Variants in CADM2 observed in about 807,000 individuals in gnomAD.
The protein encoded by CADM2 is immunoglobulin superfamily member 4D.
Under a neutral mutation model 49.8 loss-of-function variants are expected in CADM2, and 12 were observed. The ratio of observed to expected loss-of-function variants is 0.24; its 90% CI spans 0.15 to 0.39. The LOEUF (loss-of-function observed/expected upper bound fraction) is 0.39, where lower values mean the gene tolerates loss of function less well. Among genes scored for constraint, CADM2 ranks in the 10% least tolerant of loss-of-function variants. CADM2 has a pLI of 1.00. For synonymous variants in CADM2, 214 were observed against 175.4 expected, an observed-to-expected ratio of 1.22 and a Z score of -1.74; for missense variants, 378 against 492.3, an observed-to-expected ratio of 0.77 and a Z score of 2.20.
At chr3:85,961,304 C>T (rs962450670) in intron 7 of CADM2, among the ~76,000 whole-genome samples, 165 bp from the exon 8 acceptor site, 6 of 151,658 alleles carry the variant, frequency 4.0e-5, no homozygotes, top group Admixed American at 6.6e-5. Flanking sequence ...GCTATACCTC[C>T]GACTCTTTTG....
chr3:85,430,504 C>A (rs2036609705), intron 1 of CADM2, among the ~76,000 whole-genome samples: 1 of 147,604 alleles, frequency 6.8e-6, no homozygotes, highest in South Asian at 2.1e-4. Context: ...GGTGACAGAG[C>A]AAGACCTTGT....
chr3:85,314,965 A>C (rs1356900182), intron 1 of CADM2, among the ~76,000 whole-genome samples: 1 of 152,196 alleles, frequency 6.6e-6, no homozygotes, highest in African/African-American at 2.4e-5. Flanking sequence ...AAACAATATA[A>C]GTTTATTCTC....
At chr3:85,291,990 TG>T (rs2106938701) in intron 1 of CADM2, among the ~76,000 whole-genome samples, 1 of 152,238 alleles carries the variant, frequency 6.6e-6, no homozygotes, top group South Asian at 2.1e-4. Context: ...AGACATAGAC[TG>T]GCAAATTGGA....
intron 2 of CADM2, among the ~76,000 whole-genome samples, chr3:85,748,436 C>G (rs1398676857): frequency 6.6e-6 from 1 of 152,024 alleles, no homozygotes; most frequent in Non-Finnish European, 1.5e-5. Context: ...ATTTATTTCT[C>G]TACCCAGGTT....
At chr3:85,016,101 T>A (rs1478050795) in intron 1 of CADM2, among the ~76,000 whole-genome samples, 1 of 152,062 alleles carries the variant, frequency 6.6e-6, no homozygotes. Context: ...TGAATTATAA[T>A]AGGAAAAGAA....
chr3:85,370,562 C>T (rs1056727128), intron 1 of CADM2, among the ~76,000 whole-genome samples: 36 of 152,220 alleles, frequency 2.4e-4, no homozygotes, highest in Admixed American at 6.5e-4. Context: ...AACAAACCTA[C>T]TGTGTCTGCA....
intron 3 of CADM2, among the ~76,000 whole-genome samples, chr3:85,809,696 C>CTTCT (rs1289683033): frequency 8.1e-6 from 1 of 123,672 alleles, no homozygotes; most frequent in Non-Finnish European, 1.7e-5. Flanking sequence ...TCCTTCCTTC[C>CTTCT]TTCCTTCCTT....
In CADM2 at chr3:85,578,304, TCA is replaced by T. The variant is rs1349819465; in HGVS notation, c.62-148217_62-148216del. On this transcript the variant is annotated intron_variant, in intron 1 of 9. Transcript: ENST00000383699. ...TGAAGAGTGTGTTCTAAAATGAAAA[TCA>T]GAAGACACACCACTCATCCTCAACT... Among the ~76,000 whole-genome samples the T allele has an allele frequency of 2.6e-5, 4 of 152,230 alleles. No homozygotes were observed. The East Asian group carries it at 7.7e-4, about 29-fold the overall frequency.
Position 85,150,750 on chromosome 3 carries a change from G to GA in CADM2, c.61+191091dup, listed in dbSNP as rs550767552. Among the ~76,000 whole-genome samples, 52 of 149,308 alleles carry GA rather than the reference G, an allele frequency of 3.5e-4. No homozygotes were observed. In the East Asian group the frequency reaches 8.9e-3, roughly 26 times the overall value. On this transcript the variant is annotated intron_variant, in intron 1 of 9. Transcript: ENST00000383699. ...AAACCGTCTCTACTAAAAAAAAAAGGAAAAAAAAATTAGCCAGGTATGGTG... is the reference window on the plus strand; with the variant it reads ...AAACCGTCTCTACTAAAAAAAAAAGGAAAAAAAAAATTAGCCAGGTATGGTG...
At position 86,025,705 on chromosome 3, in the gene CADM2, T is replaced by A. The variant is rs185095994; in HGVS notation, c.971-39900T>A. ...CATAGAGTAATTTATTATGTAAATT[T>A]AAAAATTAAATGTAACAAATATGAC... On this transcript the variant is annotated intron_variant, in intron 8 of 9. Coordinates refer to ENST00000383699, the MANE Select transcript of CADM2 (RefSeq NM_001167675.2). Among the ~76,000 whole-genome samples, 1,237 of 152,318 alleles carry A rather than the reference T, an allele frequency of 8.1e-3. 11 individuals are homozygous for A. The highest frequency in any genetic ancestry group is 0.012 in the Non-Finnish European group (849 of 68,030).
chr3:85,553,415 CAG>C (rs1297644006), intron 1 of CADM2, among the ~76,000 whole-genome samples: 1 of 152,188 alleles, frequency 6.6e-6, no homozygotes, highest in Non-Finnish European at 1.5e-5. Flanking sequence ...TCTACAAGCA[CAG>C]GCTAATTTTG....
chr3:86,001,025 AC>A (rs897168208), intron 8 of CADM2, among the ~76,000 whole-genome samples: 7 of 152,176 alleles, frequency 4.6e-5, no homozygotes, highest in Non-Finnish European at 8.8e-5. Flanking sequence ...GGTTTAGACT[AC>A]AATGTCAGAA....
intron 7 of CADM2, among the ~76,000 whole-genome samples, chr3:85,946,638 A>C (rs1722745033): frequency 6.6e-6 from 1 of 152,012 alleles, no homozygotes; most frequent in Non-Finnish European, 1.5e-5. Context: ...CAGAGATAAT[A>C]CCTCACATCT....
intron 1 of CADM2, among the ~76,000 whole-genome samples, chr3:84,986,616 G>A (rs916907588): frequency 2.0e-5 from 3 of 151,820 alleles, no homozygotes; most frequent in Admixed American, 2.0e-4. Context: ...GGTGGGGGGA[G>A]CGGGGAGGGA....
intron 1 of CADM2, among the ~76,000 whole-genome samples, chr3:85,480,491 G>A (rs1242199668): frequency 1.3e-5 from 2 of 151,736 alleles, no homozygotes; most frequent in African/African-American, 4.8e-5. Context: ...AGTAAAAGGG[G>A]GAGAATAATA....
chr3:85,145,474 A>C (rs1026989032), intron 1 of CADM2, among the ~76,000 whole-genome samples: 1 of 151,296 alleles, frequency 6.6e-6, no homozygotes, highest in African/African-American at 2.4e-5. Flanking sequence ...ACAGTCTTAT[A>C]TTATTTGCAA....
chr3:85,979,246 C>T, intron 8 of CADM2: 2 of 1,610,938 alleles, frequency 1.2e-6, no homozygotes, highest in Non-Finnish European at 1.7e-6. Context: ...CCATAACAAC[C>T]AGCCCAACCA....
At position 85,492,515 on chromosome 3, in the gene CADM2, C is replaced by A. The variant is rs567326156; in HGVS notation, c.62-234007C>A. ...GCTGAGGCAGGAGAATGGCTTGAAC[C>A]CAGGAGGCAGAGGTTGCAGCGAGCC... On this transcript the variant is annotated intron_variant, in intron 1 of 9. Coordinates refer to ENST00000383699, the MANE Select transcript of CADM2 (RefSeq NM_001167675.2). 2.0e-5 allele frequency among the ~76,000 whole-genome samples: 3 copies of A among 152,050 alleles called. No homozygotes were observed. In the East Asian group the frequency reaches 5.8e-4, roughly 29 times the overall value.
intron 1 of CADM2, among the ~76,000 whole-genome samples, chr3:85,074,396 C>A (rs1024934203): frequency 1.3e-5 from 2 of 152,066 alleles, no homozygotes; most frequent in East Asian, 1.9e-4. Context: ...CTGTTCTTAT[C>A]TTTTTCTCCC....
Sources: allele counts gnomAD v4.1 joint callset (sites outside exome capture counted in the v4.1 genomes callset), GRCh38; gene constraint gnomAD v4.1.1; transcripts MANE v1.5; gene names NCBI Gene and HGNC (gene_info 2026-07-23, HGNC 2026-07-21).